SLC25A13: variants seen among roughly 807,000 people sequenced by gnomAD.
SLC25A13 encodes solute carrier family 25 member 13.
Under a neutral mutation model 85.5 loss-of-function variants are expected in SLC25A13, and 70 were observed. That is an observed-to-expected ratio of 0.82 (90% confidence interval 0.68 to 1.00). The LOEUF (loss-of-function observed/expected upper bound fraction) is 1.00, where lower values mean the gene tolerates loss of function less well. SLC25A13 is among the 50% of genes least tolerant of loss of function. The probability of loss-of-function intolerance (pLI) is 0.00; values close to 1 mark genes in which losing one functional copy is unlikely to be tolerated. For synonymous variants in SLC25A13, 259 were observed against 288.7 expected (o/e 0.90, Z 1.04); for missense variants, 765 against 819.8 (o/e 0.93, Z 0.82).
intron 4 of SLC25A13, among the ~76,000 whole-genome samples, chr7:96,210,368 T>C (rs1795645709): frequency 1.3e-5 from 2 of 152,116 alleles, no homozygotes; most frequent in Admixed American, 6.6e-5. Flanking sequence ...AATCCAGAAT[T>C]AGGATTTAAA....
At chr7:96,163,846 C>T (rs1355219324) in intron 13 of SLC25A13, among the ~76,000 whole-genome samples, 2 of 152,232 alleles carry the variant, frequency 1.3e-5, no homozygotes, top group Non-Finnish European at 2.9e-5. Flanking sequence ...ATTCCATTCC[C>T]CTTCACCCAA....
chr7:96,215,697 T>C (rs922456867), intron 4 of SLC25A13, among the ~76,000 whole-genome samples: 2 of 152,006 alleles, frequency 1.3e-5, no homozygotes, highest in Non-Finnish European at 2.9e-5. Flanking sequence ...GAAGAAAATA[T>C]AGGCATATTT....
At chr7:96,295,667 A>G (rs1460820276) in intron 2 of SLC25A13, among the ~76,000 whole-genome samples, 1 of 152,072 alleles carries the variant, frequency 6.6e-6, no homozygotes, top group Non-Finnish European at 1.5e-5. Flanking sequence ...TTGATGTCTC[A>G]ATTAGTTTTA....
chr7:96,165,963 C>T (rs1440318893), intron 13 of SLC25A13, among the ~76,000 whole-genome samples: 1 of 152,176 alleles, frequency 6.6e-6, no homozygotes, highest in Non-Finnish European at 1.5e-5. Flanking sequence ...CGTGGCTGGA[C>T]AAACTGGCAT....
At chr7:96,230,314 T>C (rs1796493776) in intron 4 of SLC25A13, among the ~76,000 whole-genome samples, 1 of 152,184 alleles carries the variant, frequency 6.6e-6, no homozygotes, top group Admixed American at 6.5e-5. Context: ...TTGTTACCAT[T>C]GGGATTGGGG....
intron 14 of SLC25A13, among the ~76,000 whole-genome samples, chr7:96,135,621 C>A: frequency 6.6e-6 from 1 of 152,150 alleles, no homozygotes; most frequent in South Asian, 2.1e-4. Context: ...AAACATAAAC[C>A]TGTTTGACTT....
At chr7:96,179,982 C>T (rs1794357243) in intron 11 of SLC25A13, among the ~76,000 whole-genome samples, 1 of 152,214 alleles carries the variant, frequency 6.6e-6, no homozygotes, top group African/African-American at 2.4e-5. Context: ...CTTAAACTAG[C>T]TGCCTGCCAA....
intron 1 of SLC25A13, among the ~76,000 whole-genome samples, chr7:96,319,568 C>G (rs1405053776): frequency 3.4e-5 from 5 of 147,638 alleles, no homozygotes; most frequent in Non-Finnish European, 6.0e-5. Flanking sequence ...AAAAACTGCT[C>G]TCAGAGAGCA....
At chr7:96,294,779 G>A (rs1389621682) in intron 2 of SLC25A13, among the ~76,000 whole-genome samples, 1 of 152,122 alleles carries the variant, frequency 6.6e-6, no homozygotes, top group Non-Finnish European at 1.5e-5. Flanking sequence ...CTAGGCTCAA[G>A]CCATCCTCCT....
chr7:96,220,799 A>G (rs928348439), intron 4 of SLC25A13, among the ~76,000 whole-genome samples: 4 of 152,056 alleles, frequency 2.6e-5, no homozygotes, highest in African/African-American at 9.7e-5. Context: ...GCACACACAA[A>G]CACACAGGTG....
chr7:96,155,455 C>T (rs1375547476), intron 13 of SLC25A13, among the ~76,000 whole-genome samples: 3 of 152,130 alleles, frequency 2.0e-5, no homozygotes, highest in African/African-American at 7.2e-5. Flanking sequence ...TTATTCCTAT[C>T]GTTCTGCCCT....
chr7:96,161,790 T>C (rs1204452056), intron 13 of SLC25A13, among the ~76,000 whole-genome samples: 1 of 152,016 alleles, frequency 6.6e-6, no homozygotes, highest in African/African-American at 2.4e-5. Flanking sequence ...ATCAAGAAAA[T>C]CTTTAATATG....
intron 4 of SLC25A13, among the ~76,000 whole-genome samples, chr7:96,216,180 A>C (rs1321407578): frequency 2.6e-5 from 4 of 152,106 alleles, no homozygotes; most frequent in Middle Eastern, 3.4e-3. Flanking sequence ...AGAAAAAAAG[A>C]AAGTGTTAAA....
chr7:96,196,279 C>T (rs1795059636), intron 5 of SLC25A13, among the ~76,000 whole-genome samples: 1 of 152,206 alleles, frequency 6.6e-6, no homozygotes, highest in African/African-American at 2.4e-5. Context: ...ATTGCTAAAG[C>T]TAGCTAAGCC....
In SLC25A13 at chr7:96,183,892, G is replaced by T. The variant is rs531340933; in HGVS notation, c.1177+385C>A. On this transcript the variant is annotated intron_variant, in intron 11 of 17. Transcript: ENST00000265631. The stretch of plus-strand genomic sequence containing the variant: ...CTGAACCCTTCGTTATCTTTTTTGT[G>T]GTGTATTCCAGGAAAATCATGAATC... 3.9e-5 allele frequency among the ~76,000 whole-genome samples: 6 copies of T among 152,186 alleles called. No individual in the cohort carries two copies. In the South Asian group the frequency reaches 1.2e-3, roughly 32 times the overall value.
chr7:96,228,802 G>C (rs183522224), intron 4 of SLC25A13, among the ~76,000 whole-genome samples: 127 of 152,312 alleles, frequency 8.3e-4, no homozygotes, highest in African/African-American at 2.9e-3. Flanking sequence ...TGCACTCGGA[G>C]TGGATGGCCA....
At chr7:96,179,825 C>G (rs1408238078) in intron 11 of SLC25A13, among the ~76,000 whole-genome samples, 1 of 152,140 alleles carries the variant, frequency 6.6e-6, no homozygotes, top group Non-Finnish European at 1.5e-5. Flanking sequence ...GCAAAACAGT[C>G]ATGGAAATTT....
Position 96,121,281 on chromosome 7 carries a change from T to C in SLC25A13, c.1938A>G (p.Thr646=). 1 of 1,614,184 alleles carries C rather than the reference T, an allele frequency of 6.2e-7. No individual in the cohort carries two copies. The highest frequency in any genetic ancestry group is 8.5e-7 in the Non-Finnish European group (1 of 1,180,024). Residue 646 remains threonine (T), a synonymous_variant, in exon 18 of 18, where the codon ACA becomes ACG. Coordinates refer to ENST00000265631, the MANE Select transcript of SLC25A13 (RefSeq NM_014251.3). ...HVGGYKLAVA[T]FAGIENKFGL... ...CAAATTTGTTTTCAATCCCTGCAAA[T>C]GTAGCAACTGCCAGTTTGTAGCCCC... is the stretch of plus-strand genomic sequence containing the variant.
chr7:96,277,408 A>G, intron 2 of SLC25A13, 70 bp from the exon 3 acceptor site: 1 of 1,459,814 alleles, frequency 6.9e-7, no homozygotes. Flanking sequence ...TGAGAGTGAT[A>G]TGTGAAAAAG....
Sources: allele counts gnomAD v4.1 joint callset (sites outside exome capture counted in the v4.1 genomes callset), GRCh38; gene constraint gnomAD v4.1.1; transcripts MANE v1.5; gene names NCBI Gene and HGNC (gene_info 2026-07-23, HGNC 2026-07-21).